The following PRKCQ variants were observed in gnomAD, a reference collection of about 807,000 sequenced individuals.
PRKCQ encodes the protein protein kinase C theta type.
Under a neutral mutation model 91.2 loss-of-function variants are expected in PRKCQ, and 41 were observed. The ratio of observed to expected loss-of-function variants is 0.45; its 90% CI spans 0.35 to 0.58. PRKCQ has a LOEUF of 0.58. Ranked by LOEUF, PRKCQ falls within the 20% of genes least tolerant of loss-of-function variation. The pLI is 0.00. For synonymous variants in PRKCQ, 307 were observed against 316.9 expected, an observed-to-expected ratio of 0.97 and a Z score of 0.33; for missense variants, 673 against 896.5, an observed-to-expected ratio of 0.75 and a Z score of 3.18.
At chr10:6,556,433 GGAA>G (rs753910245) in intron 1 of PRKCQ, among the ~76,000 whole-genome samples, 8,481 of 93,360 alleles carry the variant, frequency 0.091, 431 homozygotes, top group Middle Eastern at 0.12. Flanking sequence ...CCCTGTCTTG[GGAA>G]AAAAAAAAAA....
intron 1 of PRKCQ, among the ~76,000 whole-genome samples, chr10:6,518,311 TAAAG>T (rs771982546): frequency 4.6e-5 from 7 of 152,196 alleles, no homozygotes; most frequent in Non-Finnish European, 8.8e-5. Context: ...ATTAAAATCT[TAAAG>T]TAATCAAATT....
chr10:6,511,907 ATGT>A (rs1838494703), intron 2 of PRKCQ, among the ~76,000 whole-genome samples: 1 of 152,186 alleles, frequency 6.6e-6, no homozygotes, highest in African/African-American at 2.4e-5. Context: ...TGGTTTCAAA[ATGT>A]TATTTTCCTA....
chr10:6,433,206 C>T (rs1833506844), intron 16 of PRKCQ, among the ~76,000 whole-genome samples: 1 of 152,188 alleles, frequency 6.6e-6, no homozygotes, highest in Admixed American at 6.5e-5. Flanking sequence ...GCTGAGGAAG[C>T]CGAGCTTCAG....
At chr10:6,577,235 G>A (rs187911026) in intron 1 of PRKCQ, among the ~76,000 whole-genome samples, 19 of 152,304 alleles carry the variant, frequency 1.2e-4, no homozygotes, top group Admixed American at 1.2e-3. Context: ...CCAAGAATGT[G>A]TTTAGATGAC....
the PRKCQ span, among the ~76,000 whole-genome samples, chr10:6,396,042 A>G: frequency 6.6e-6 from 1 of 152,136 alleles, no homozygotes; most frequent in Non-Finnish European, 1.5e-5. Flanking sequence ...ACATTAGTAG[A>G]TATTAAAACT....
intron 2 of PRKCQ, among the ~76,000 whole-genome samples, 171 bp downstream of exon 2, chr10:6,514,847 G>T (rs1838671291): frequency 6.6e-6 from 1 of 152,140 alleles, no homozygotes; most frequent in South Asian, 2.1e-4. Context: ...AGTCCATCAC[G>T]AAATGTGTGT....
rs376140400 is a variant in PRKCQ at position 6,551,400 on chromosome 10, T to C, written c.-10+28811A>G. Among the ~76,000 whole-genome samples, 422 of 148,258 alleles carry C rather than the reference T, an allele frequency of 2.8e-3. 5 individuals carry two copies. In the South Asian group the frequency reaches 0.044, roughly 15 times the overall value. ...GTACCACATTTTCTTTTTTTTTTCTTTTTTTTTTTTTGAGATGGAGTCTCA... is the reference window on the plus strand; with the variant it reads ...GTACCACATTTTCTTTTTTTTTTCTCTTTTTTTTTTTGAGATGGAGTCTCA... On this transcript the variant is annotated intron_variant, in intron 1 of 17. Transcript: ENST00000263125.
chr10:6,570,739 G>A (rs1319094293), intron 1 of PRKCQ, among the ~76,000 whole-genome samples: 3 of 152,056 alleles, frequency 2.0e-5, no homozygotes, highest in African/African-American at 7.2e-5. Context: ...ATTTTTAGTA[G>A]AGACGGGGTT....
intron 15 of PRKCQ, among the ~76,000 whole-genome samples, chr10:6,456,412 C>A (rs1282106925): frequency 6.6e-6 from 1 of 152,094 alleles, no homozygotes; most frequent in Non-Finnish European, 1.5e-5. Context: ...TAGGTCTGAG[C>A]AGAGTGAATA....
Position 6,486,260 on chromosome 10 carries a change from G to C in PRKCQ, c.791-116C>G, listed in dbSNP as rs1029708128. 14 of 813,200 alleles carry C rather than the reference G, an allele frequency of 1.7e-5. No homozygotes were observed. The African/African-American group carries it at 1.9e-4, about 11-fold the overall frequency. The allele number at this position is 813,200 out of a possible 1,614,324, so 50.4% of individuals were successfully genotyped here. A position where few individuals can be genotyped will look rare whatever the true frequency, so the allele number is the denominator to read the frequency against. On this transcript the variant is annotated intron_variant, in intron 8 of 17. Coordinates refer to ENST00000263125, the MANE Select transcript of PRKCQ (RefSeq NM_006257.5). ...TAGGGAGGAAAGCCTAAAGTGCCACGGCTGGGAGGAAGTTGACCCTGGCTC... is the reference window on the plus strand; with the variant it reads ...TAGGGAGGAAAGCCTAAAGTGCCACCGCTGGGAGGAAGTTGACCCTGGCTC...
At chr10:6,432,326 T>A (rs1833463915) in intron 16 of PRKCQ, among the ~76,000 whole-genome samples, 1 of 152,156 alleles carries the variant, frequency 6.6e-6, no homozygotes, top group Non-Finnish European at 1.5e-5. Context: ...AAAGGCTCCG[T>A]TCTACCAAAA....
chr10:6,466,995 C>T (rs1278640472), intron 12 of PRKCQ, among the ~76,000 whole-genome samples: 1 of 152,024 alleles, frequency 6.6e-6, no homozygotes, highest in Non-Finnish European at 1.5e-5. Context: ...GGTAGTAATA[C>T]TCCTACCTCC....
chr10:6,544,690 G>A lies in PRKCQ; in HGVS notation c.-9-29546C>T, dbSNP rs150616188. Among the ~76,000 whole-genome samples, 762 of 150,560 alleles carry A rather than the reference G, an allele frequency of 5.1e-3. 25 individuals are homozygous for A. The East Asian group carries it at 0.079, about 16-fold the overall frequency. On this transcript the variant is annotated intron_variant, in intron 1 of 17. Coordinates refer to ENST00000263125, the MANE Select transcript of PRKCQ (RefSeq NM_006257.5). Reference sequence around the variant, plus strand: ...GGCTGGAGTGCAGTGGCATGATCCAGGCTCACTGCAACCTCCACCTCCTGG... The same window carrying A: ...GGCTGGAGTGCAGTGGCATGATCCAAGCTCACTGCAACCTCCACCTCCTGG...
At chr10:6,540,013 A>G (rs913996354) in intron 1 of PRKCQ, among the ~76,000 whole-genome samples, 3 of 152,200 alleles carry the variant, frequency 2.0e-5, no homozygotes, top group African/African-American at 7.2e-5. Context: ...AAATCCCTTC[A>G]ACTAATTAAG....
the PRKCQ span, among the ~76,000 whole-genome samples, chr10:6,415,748 T>C: frequency 0.041 from 920 of 22,686 alleles, 3 homozygotes; most frequent in African/African-American, 0.053. Flanking sequence ...CTCTCTCTCT[T>C]TTTTTTTTTT....
At chr10:6,431,954 T>C (rs879609579) in intron 16 of PRKCQ, among the ~76,000 whole-genome samples, 6 of 152,224 alleles carry the variant, frequency 3.9e-5, no homozygotes, top group African/African-American at 7.2e-5. Context: ...GGAAAGAAAC[T>C]TGGATATTTT....
At chr10:6,453,064 T>C (rs1026029788) in intron 15 of PRKCQ, among the ~76,000 whole-genome samples, 34 of 151,874 alleles carry the variant, frequency 2.2e-4, no homozygotes, top group African/African-American at 7.7e-4. Flanking sequence ...AAAGCCAAAA[T>C]TGACAAATGG....
chr10:6,449,041 G>T (rs12774213), intron 15 of PRKCQ, among the ~76,000 whole-genome samples: 4 of 149,834 alleles, frequency 2.7e-5, no homozygotes, highest in Admixed American at 2.0e-4. Flanking sequence ...CTCCTCCAAA[G>T]GAACGCAGTT....
downstream of PRKCQ, among the ~76,000 whole-genome samples, chr10:6,425,605 G>A (rs1157382659): frequency 6.6e-6 from 1 of 152,002 alleles, no homozygotes; most frequent in Admixed American, 6.6e-5. Flanking sequence ...CAAGTACTTC[G>A]CACACTCAGA....
Sources: gnomAD v4.1 joint callset for allele counts (sites outside exome capture counted in the v4.1 genomes callset) on GRCh38, gnomAD v4.1.1 for gene constraint, MANE v1.5 for transcripts, NCBI Gene and HGNC (gene_info 2026-07-23, HGNC 2026-07-21) for gene names.